Variants in TUBGCP3 observed in about 807,000 individuals in gnomAD.
TUBGCP3 encodes gamma-tubulin complex component 3.
In TUBGCP3, 50 loss-of-function variants were observed where a neutral mutation model predicts 123.1. The observed-to-expected ratio is 0.41, with a 90% CI of 0.32 to 0.51. The LOEUF (loss-of-function observed/expected upper bound fraction) is 0.51. Ranked by LOEUF, TUBGCP3 falls within the 20% of genes least tolerant of loss-of-function variation. TUBGCP3 has a pLI of 0.36. For missense variants in TUBGCP3, 882 were observed against 1,127.0 expected, an observed-to-expected ratio of 0.78 and a Z score of 3.11; for synonymous variants, 405 against 413.9, an observed-to-expected ratio of 0.98 and a Z score of 0.26.
chr13:112,579,085 A>G (rs1882081380), intron 1 of TUBGCP3, among the ~76,000 whole-genome samples: 1 of 152,238 alleles, frequency 6.6e-6, no homozygotes. Flanking sequence ...CTGAGAAAAA[A>G]TATGTGCAAA....
intron 20 of TUBGCP3, among the ~76,000 whole-genome samples, chr13:112,495,980 C>T (rs1880503336): frequency 6.6e-6 from 1 of 151,448 alleles, no homozygotes; most frequent in South Asian, 2.1e-4. Context: ...ATATTTTTTC[C>T]CTCAAAAAAA....
At chr13:112,489,551 T>C (rs533364756) in intron 21 of TUBGCP3, 30 bp downstream of exon 21, 31 of 1,472,630 alleles carry the variant, frequency 2.1e-5, no homozygotes, top group Admixed American at 3.3e-5. Flanking sequence ...CAGAGTGGTG[T>C]GAAGAGCCAC....
At chr13:112,516,254 G>C (rs1466517364) in intron 17 of TUBGCP3, among the ~76,000 whole-genome samples, 186 bp downstream of exon 17, 2 of 152,126 alleles carry the variant, frequency 1.3e-5, no homozygotes, top group Non-Finnish European at 2.9e-5. Context: ...TTTTTAAAAA[G>C]TATATATATG....
chr13:112,509,537 T>A (rs904060670), intron 17 of TUBGCP3, among the ~76,000 whole-genome samples: 2 of 152,232 alleles, frequency 1.3e-5, no homozygotes, highest in Non-Finnish European at 2.9e-5. Context: ...TGTTCTTTCC[T>A]TTTACAGTCT....
intron 16 of TUBGCP3, among the ~76,000 whole-genome samples, chr13:112,517,548 C>T (rs1290135120): frequency 6.6e-6 from 1 of 152,086 alleles, no homozygotes; most frequent in East Asian, 1.9e-4. Flanking sequence ...GAAAATAATA[C>T]GTAATGTATG....
chr13:112,526,855 T>C, intron 13 of TUBGCP3, 87 bp downstream of exon 13: 2 of 959,656 alleles, frequency 2.1e-6, no homozygotes, highest in Middle Eastern at 2.1e-4. Context: ...GTCATCAACA[T>C]CACTGTTACC....
At chr13:112,559,652 GTTT>G (rs1300090667) in intron 3 of TUBGCP3, among the ~76,000 whole-genome samples, 1 of 152,142 alleles carries the variant, frequency 6.6e-6, no homozygotes, top group African/African-American at 2.4e-5. Context: ...AAGAAGAAAA[GTTT>G]TTTTAAGTTA....
chr13:112,500,780 C>A (rs888024341), intron 19 of TUBGCP3, among the ~76,000 whole-genome samples: 1 of 152,204 alleles, frequency 6.6e-6, no homozygotes, highest in African/African-American at 2.4e-5. Context: ...AAGACATTTG[C>A]AAAGCCACTT....
intron 1 of TUBGCP3, among the ~76,000 whole-genome samples, chr13:112,583,631 C>T (rs932464027): frequency 3.3e-5 from 5 of 152,212 alleles, no homozygotes; most frequent in Admixed American, 2.0e-4. Flanking sequence ...AAAATAAATT[C>T]GACTCAAGTG....
chr13:112,588,012 C>T lies in TUBGCP3; in HGVS notation c.-32G>A, dbSNP rs757637140. On this transcript the variant is annotated 5_prime_UTR_variant, in exon 1 of 22. Coordinates refer to ENST00000261965, the MANE Select transcript of TUBGCP3 (RefSeq NM_006322.6). ...CCGGAGCCGTGCACGGTGGTCCGGGCAGAGCCGCCACTGCCGCCGCACGCG... is the reference window on the plus strand; with the variant it reads ...CCGGAGCCGTGCACGGTGGTCCGGGTAGAGCCGCCACTGCCGCCGCACGCG... 4.9e-6 allele frequency: 7 copies of T among 1,417,336 alleles called. No individual in the cohort carries two copies. 87.8% of individuals were successfully genotyped at this position (1,417,336 alleles called of 1,614,324 possible). A position where few individuals can be genotyped will look rare whatever the true frequency, so the allele number is the denominator to read the frequency against.
intron 1 of TUBGCP3, among the ~76,000 whole-genome samples, chr13:112,587,556 T>G (rs1882700231): frequency 6.6e-6 from 1 of 152,186 alleles, no homozygotes; most frequent in African/African-American, 2.4e-5. Context: ...CTGGCATTCC[T>G]CCCGTCCTCA....
At chr13:112,548,050 C>T in intron 9 of TUBGCP3, 58 bp downstream of exon 9, 8 of 1,326,386 alleles carry the variant, frequency 6.0e-6, no homozygotes, top group Non-Finnish European at 8.2e-6. Context: ...TTCTATATAG[C>T]TTCAATTTTG....
chr13:112,542,127 C>G (rs1878571672), intron 11 of TUBGCP3, among the ~76,000 whole-genome samples: 2 of 152,124 alleles, frequency 1.3e-5, no homozygotes, highest in Non-Finnish European at 2.9e-5. Flanking sequence ...TGAGAGTAAA[C>G]AAATCATAGT....
At chr13:112,502,544 T>TC (rs1156840524) in intron 19 of TUBGCP3, among the ~76,000 whole-genome samples, 6 of 83,650 alleles carry the variant, frequency 7.2e-5, no homozygotes, top group Non-Finnish European at 1.4e-4. Context: ...CATTTCTTCT[T>TC]TTTTTTTTTT....
chr13:112,487,617 AGAAAC>A (rs1354832231), intron 21 of TUBGCP3, among the ~76,000 whole-genome samples: 1 of 152,220 alleles, frequency 6.6e-6, no homozygotes, highest in African/African-American at 2.4e-5. Flanking sequence ...TCCATTTTTA[AGAAAC>A]AGGAATACAT....
intron 4 of TUBGCP3, 33 bp downstream of exon 4, chr13:112,559,289 C>G: frequency 1.3e-6 from 2 of 1,578,996 alleles, no homozygotes; most frequent in Non-Finnish European, 1.7e-6. Context: ...GGTGTCCCGA[C>G]GGACACGACG....
At chr13:112,542,485 G>C (rs1878604085) in intron 11 of TUBGCP3, among the ~76,000 whole-genome samples, 1 of 152,146 alleles carries the variant, frequency 6.6e-6, no homozygotes, top group Admixed American at 6.5e-5. Flanking sequence ...AAGAATTTAA[G>C]TCTCCATTTA....
chr13:112,553,975 C>T, intron 8 of TUBGCP3, 82 bp downstream of exon 8: 1 of 1,551,222 alleles, frequency 6.4e-7, no homozygotes, highest in South Asian at 1.2e-5. Context: ...TTAGAAGGAG[C>T]TATTTCACAG....
At chr13:112,526,272 CCAT>C (rs1372872163) in intron 13 of TUBGCP3, among the ~76,000 whole-genome samples, 14 of 147,318 alleles carry the variant, frequency 9.5e-5, no homozygotes, top group South Asian at 8.8e-4. Context: ...ATCATCACCA[CCAT>C]CATCACCATC....
Sources: allele counts gnomAD v4.1 joint callset (sites outside exome capture counted in the v4.1 genomes callset), GRCh38; gene constraint gnomAD v4.1.1; transcripts MANE v1.5; gene names NCBI Gene and HGNC (gene_info 2026-07-23, HGNC 2026-07-21).